KSR2: variants seen among roughly 807,000 people sequenced by gnomAD.
KSR2 encodes kinase suppressor of ras 2.
In KSR2, 25 loss-of-function variants were observed where a neutral mutation model predicts 107.8. The observed-to-expected ratio is 0.23, with a 90% CI of 0.17 to 0.32. KSR2 has a LOEUF of 0.32. KSR2 is among the 10% of genes least tolerant of loss of function. The pLI is 1.00. For missense variants in KSR2, 887 were observed against 1,268.9 expected, an observed-to-expected ratio of 0.70 and a Z score of 4.57; for synonymous variants, 480 against 507.0, an observed-to-expected ratio of 0.95 and a Z score of 0.71.
At chr12:117,785,564 A>T (rs1406112448) in intron 3 of KSR2, among the ~76,000 whole-genome samples, 1 of 152,166 alleles carries the variant, frequency 6.6e-6, no homozygotes, top group Non-Finnish European at 1.5e-5. Flanking sequence ...AAATGAAAAG[A>T]TAGCAATTTT....
At chr12:117,741,368 A>T (rs495095) in intron 4 of KSR2, among the ~76,000 whole-genome samples, 119,110 of 149,786 alleles carry the variant, frequency 0.8, 47,741 homozygotes, top group South Asian at 0.9. Flanking sequence ...AAAAAAAAAA[A>T]TTTAATTAGC....
chr12:117,509,004 G>A (rs751465209), intron 14 of KSR2, among the ~76,000 whole-genome samples: 1 of 151,844 alleles, frequency 6.6e-6, no homozygotes, highest in Non-Finnish European at 1.5e-5. Flanking sequence ...AGGGTGATTG[G>A]ATGGGCAGGG....
intron 4 of KSR2, among the ~76,000 whole-genome samples, chr12:117,694,212 T>G (rs1385994432): frequency 6.6e-6 from 1 of 152,176 alleles, no homozygotes; most frequent in Non-Finnish European, 1.5e-5. Context: ...AATCTCACCT[T>G]GAACTGTAAT....
chr12:117,789,331 G>T (rs1477700313), intron 3 of KSR2, among the ~76,000 whole-genome samples: 1 of 152,188 alleles, frequency 6.6e-6, no homozygotes, highest in East Asian at 1.9e-4. Flanking sequence ...GACCCAGGTG[G>T]CGTTATTAGG....
At chr12:117,838,476 T>A (rs543028007) in intron 3 of KSR2, among the ~76,000 whole-genome samples, 1 of 152,324 alleles carries the variant, frequency 6.6e-6, no homozygotes, top group South Asian at 2.1e-4. Flanking sequence ...CAGGACCATG[T>A]ATAATGAAAG....
intron 3 of KSR2, among the ~76,000 whole-genome samples, chr12:117,794,289 T>TCACACCAACATGCA (rs1890494552): frequency 7.3e-5 from 1 of 13,696 alleles, no homozygotes; most frequent in Non-Finnish European, 1.1e-4. Flanking sequence ...CAACATGCAC[T>TCACACCAACATGCA]CACACACCAA....
chr12:117,730,422 CT>C (rs1001167290), intron 4 of KSR2, among the ~76,000 whole-genome samples: 2 of 151,022 alleles, frequency 1.3e-5, no homozygotes, highest in African/African-American at 4.9e-5. Flanking sequence ...AGTGAAATCC[CT>C]CTCCCTCTCC....
At chr12:117,721,578 C>T (rs1187381133) in intron 4 of KSR2, among the ~76,000 whole-genome samples, 2 of 152,158 alleles carry the variant, frequency 1.3e-5, no homozygotes, top group African/African-American at 4.8e-5. Context: ...CCACAAGGAT[C>T]CAAAGAGGGG....
chr12:117,496,899 G>A (rs974499354), intron 14 of KSR2, among the ~76,000 whole-genome samples: 1 of 150,832 alleles, frequency 6.6e-6, no homozygotes, highest in Non-Finnish European at 1.5e-5. Context: ...TGCCCAGGCT[G>A]CAGTGCAGTG....
rs182804483 is a variant in KSR2 at position 117,525,495 on chromosome 12, C to T, written c.1852-276G>A. 5.3e-5 allele frequency among the ~76,000 whole-genome samples: 8 copies of T among 152,202 alleles called. No homozygotes were observed. The East Asian group carries it at 1.4e-3, about 26-fold the overall frequency. On this transcript the variant is annotated intron_variant, in intron 13 of 19. Transcript: ENST00000339824. ...TCAGAGAGAAGTGTTATAGGGATCGCCCATTCTAGTTTGCTGGAATCTTCC... is the reference window on the plus strand; with the variant it reads ...TCAGAGAGAAGTGTTATAGGGATCGTCCATTCTAGTTTGCTGGAATCTTCC...
intron 3 of KSR2, among the ~76,000 whole-genome samples, chr12:117,847,642 T>A (rs1892751029): frequency 6.6e-6 from 1 of 152,346 alleles, no homozygotes; most frequent in South Asian, 2.1e-4. Flanking sequence ...CTGTTCAGCC[T>A]ACCCTGCTTA....
At chr12:117,487,166 A>G in intron 14 of KSR2, among the ~76,000 whole-genome samples, 1 of 152,224 alleles carries the variant, frequency 6.6e-6, no homozygotes, top group East Asian at 1.9e-4. Flanking sequence ...ACTGGCTATT[A>G]TAAAAAGTTG....
intron 4 of KSR2, among the ~76,000 whole-genome samples, chr12:117,716,478 T>C (rs1886984166): frequency 6.6e-6 from 1 of 152,226 alleles, no homozygotes; most frequent in Non-Finnish European, 1.5e-5. Context: ...AAAAACATAA[T>C]GTAAAACATC....
intron 4 of KSR2, among the ~76,000 whole-genome samples, chr12:117,705,485 C>A (rs925629589): frequency 4.6e-5 from 7 of 152,188 alleles, no homozygotes; most frequent in Non-Finnish European, 8.8e-5. Context: ...ACTGATTGGG[C>A]CCCCAAGGGA....
At chr12:117,812,082 T>A (rs1357190405) in intron 3 of KSR2, among the ~76,000 whole-genome samples, 4 of 152,156 alleles carry the variant, frequency 2.6e-5, no homozygotes, top group African/African-American at 9.7e-5. Context: ...TGTGAGAAGA[T>A]TCTTGTTGGC....
chr12:117,608,947 A>T (rs1881443290), intron 5 of KSR2, among the ~76,000 whole-genome samples: 1 of 152,076 alleles, frequency 6.6e-6, no homozygotes, highest in African/African-American at 2.4e-5. Context: ...GAATTCTGGG[A>T]GGTTGTCCAC....
At position 117,457,396 on chromosome 12, in the gene KSR2, G is replaced by C. The variant is rs898378982; in HGVS notation, c.*9803C>G. 3 of 152,148 alleles carry C rather than the reference G, an allele frequency of 2.0e-5. No individual in the cohort carries two copies. Among genetic ancestry groups the C allele is most frequent in the African/African-American group, 7.2e-5 (3 of 41,434 alleles). 9.4% of individuals were successfully genotyped at this position (152,148 alleles called of 1,614,324 possible). A position where few individuals can be genotyped will look rare whatever the true frequency, so the allele number is the denominator to read the frequency against. ...AGATGGTTTTGGATGTCACACTTTGGATGTCAACTGGAGGCTTTTGAAATC... is the reference window on the plus strand; with the variant it reads ...AGATGGTTTTGGATGTCACACTTTGCATGTCAACTGGAGGCTTTTGAAATC... On this transcript the variant is annotated 3_prime_UTR_variant, in exon 20 of 20. Transcript: ENST00000339824.
chr12:117,638,674 T>C (rs573564787), intron 5 of KSR2, among the ~76,000 whole-genome samples: 12 of 152,258 alleles, frequency 7.9e-5, no homozygotes, highest in Admixed American at 5.9e-4. Flanking sequence ...GATGATGCTA[T>C]CTCTGTGAGG....
At chr12:117,822,137 A>G (rs983863833) in intron 3 of KSR2, among the ~76,000 whole-genome samples, 2 of 152,270 alleles carry the variant, frequency 1.3e-5, no homozygotes, top group South Asian at 2.1e-4. Context: ...GTTACCCTAT[A>G]TGATCTAAAA....
Sources: gnomAD v4.1 joint callset for allele counts (sites outside exome capture counted in the v4.1 genomes callset) on GRCh38, gnomAD v4.1.1 for gene constraint, MANE v1.5 for transcripts, NCBI Gene and HGNC (gene_info 2026-07-23, HGNC 2026-07-21) for gene names.